OR14A2: variants seen among roughly 807,000 people sequenced by gnomAD.
OR14A2 encodes the protein olfactory receptor 14A2.
For missense variants in OR14A2, 237 were observed against 152.9 expected, an observed-to-expected ratio of 1.55 and a Z score of -2.90; for synonymous variants, 114 against 58.6, an observed-to-expected ratio of 1.95 and a Z score of -4.32.
chr1:247,747,169 T>C, the OR14A2 span: 1 of 152,164 alleles, frequency 6.6e-6, no homozygotes, highest in Admixed American at 6.5e-5. Context: ...TGTTTTGACA[T>C]GTACAGTTGG....
chr1:247,745,109 T>C, the OR14A2 span, among the ~76,000 whole-genome samples: 1 of 152,102 alleles, frequency 6.6e-6, no homozygotes, highest in Non-Finnish European at 1.5e-5. Flanking sequence ...ACTCCTCACA[T>C]AAAAATATAT....
At chr1:247,726,325 GTCT>G (rs1454713590), upstream of OR14A2, among the ~76,000 whole-genome samples, 3,590 of 132,686 alleles carry the variant, frequency 0.027, 127 homozygotes, top group African/African-American at 0.098. Flanking sequence ...CTGCATAAAT[GTCT>G]TCTTTTGAGA....
upstream of OR14A2, among the ~76,000 whole-genome samples, chr1:247,728,421 T>C (rs562043359): frequency 7.9e-5 from 12 of 152,084 alleles, no homozygotes; most frequent in African/African-American, 2.9e-4. Flanking sequence ...ATGGGACGTA[T>C]TTCAAAATAA....
chr1:247,745,192 A>G, the OR14A2 span, among the ~76,000 whole-genome samples: 2 of 152,182 alleles, frequency 1.3e-5, no homozygotes, highest in Non-Finnish European at 2.9e-5. Flanking sequence ...TTACATTAAT[A>G]AAGCCATTGT....
chr1:247,745,681 C>T, the OR14A2 span, among the ~76,000 whole-genome samples: 2 of 151,494 alleles, frequency 1.3e-5, no homozygotes, highest in African/African-American at 4.9e-5. Flanking sequence ...CAATAAAAAT[C>T]AAAAATATAG....
upstream of OR14A2, among the ~76,000 whole-genome samples, chr1:247,725,632 T>A (rs979125357): frequency 1.2e-4 from 17 of 144,050 alleles, no homozygotes; most frequent in African/African-American, 4.1e-4. Flanking sequence ...CTGCACCCAC[T>A]AACTCGTCAT....
chr1:247,724,811 T>A (rs1200596480), upstream of OR14A2, among the ~76,000 whole-genome samples: 1 of 152,118 alleles, frequency 6.6e-6, no homozygotes, highest in Non-Finnish European at 1.5e-5. Flanking sequence ...CATGATAAAA[T>A]GGCTTTCCCA....
the OR14A2 span, chr1:247,739,507 CT>C: frequency 1.3e-6 from 1 of 780,814 alleles, no homozygotes; most frequent in East Asian, 2.4e-5. Context: ...ATTAAATCCG[CT>C]CTGAGTAAAG....
chr1:247,730,843 T>C, the OR14A2 span, among the ~76,000 whole-genome samples: 1 of 152,046 alleles, frequency 6.6e-6, no homozygotes. Context: ...TTTGTTCTAT[T>C]TGTACTCTCA....
upstream of OR14A2, among the ~76,000 whole-genome samples, chr1:247,728,613 A>G (rs568318677): frequency 6.6e-6 from 1 of 152,170 alleles, no homozygotes; most frequent in South Asian, 2.1e-4. Flanking sequence ...GTATTCAATT[A>G]GGAAAAGAGG....
At chr1:247,741,770 T>C in the OR14A2 span, among the ~76,000 whole-genome samples, 1 of 152,218 alleles carries the variant, frequency 6.6e-6, no homozygotes, top group Non-Finnish European at 1.5e-5. Context: ...AAAGAGTACA[T>C]TGCTGATGTT....
chr1:247,739,699 A>G, the OR14A2 span: 1 of 577,018 alleles, frequency 1.7e-6, no homozygotes, highest in Non-Finnish European at 3.1e-6. Flanking sequence ...TTTTAATAGA[A>G]ATAGAAAGCA....
the OR14A2 span, among the ~76,000 whole-genome samples, chr1:247,743,284 G>A: frequency 1.3e-5 from 2 of 151,942 alleles, no homozygotes; most frequent in Non-Finnish European, 2.9e-5. Context: ...CACTTGCAGA[G>A]CACCATGCCA....
chr1:247,744,126 C>T, the OR14A2 span, among the ~76,000 whole-genome samples: 3 of 152,082 alleles, frequency 2.0e-5, no homozygotes, highest in Admixed American at 6.6e-5. This position sits in a 1 kb window ranked among gnomAD's most constrained non-coding sequence, Gnocchi z 4.3. Context: ...CTTATGTTGC[C>T]TATGCCTGAA....
the OR14A2 span, among the ~76,000 whole-genome samples, chr1:247,736,192 C>T: frequency 6.9e-6 from 1 of 144,226 alleles, no homozygotes; most frequent in Non-Finnish European, 1.5e-5. Flanking sequence ...TCTCCTCTTC[C>T]CCTTTGCTCT....
chr1:247,739,795 C>T, the OR14A2 span, among the ~76,000 whole-genome samples: 2 of 151,694 alleles, frequency 1.3e-5, no homozygotes, highest in Admixed American at 6.6e-5. Context: ...AGTGCAGGGG[C>T]GTGATCTTGG....
chr1:247,729,608 T>C, the OR14A2 span, among the ~76,000 whole-genome samples: 67 of 152,270 alleles, frequency 4.4e-4, no homozygotes, highest in Admixed American at 1.4e-3. Context: ...TTGTTTTTCA[T>C]TCGAAGCATA....
the OR14A2 span, among the ~76,000 whole-genome samples, chr1:247,729,367 T>C: frequency 3.3e-5 from 5 of 152,218 alleles, no homozygotes; most frequent in Admixed American, 6.5e-5. Flanking sequence ...ATTCTACTTA[T>C]CATAGAGTTA....
chr1:247,725,785 G>T (rs1357692674), upstream of OR14A2, among the ~76,000 whole-genome samples: 1 of 126,690 alleles, frequency 7.9e-6, no homozygotes, highest in Non-Finnish European at 1.6e-5. Flanking sequence ...TGCGGTGTTT[G>T]GTTTTTTGTT....
Sources: gnomAD v4.1 joint callset for allele counts (sites outside exome capture counted in the v4.1 genomes callset) on GRCh38, gnomAD v4.1.1 for gene constraint, Gnocchi (gnomAD v3.1) non-coding constraint, MANE v1.5 for transcripts, NCBI Gene and HGNC (gene_info 2026-07-23, HGNC 2026-07-21) for gene names.